Variants in RHBDD1 observed in about 807,000 individuals in gnomAD.
RHBDD1 encodes the protein rhomboid-related protein 4.
In RHBDD1, 38 loss-of-function variants were observed where a neutral mutation model predicts 36.3. The ratio of observed to expected loss-of-function variants is 1.05; its 90% CI spans 0.81 to 1.37. RHBDD1 has a LOEUF of 1.37. Ranked by LOEUF, RHBDD1 falls within the 40% of genes most tolerant of loss-of-function variation. RHBDD1 has a pLI of 0.00. For missense variants in RHBDD1, 393 were observed against 377.6 expected, an observed-to-expected ratio of 1.04 and a Z score of -0.34; for synonymous variants, 151 against 136.5, an observed-to-expected ratio of 1.11 and a Z score of -0.74.
the RHBDD1 span, among the ~76,000 whole-genome samples, chr2:226,807,812 A>G: frequency 6.6e-6 from 1 of 151,954 alleles, no homozygotes. Flanking sequence ...TTTTAAAGAC[A>G]CTCTGGGCTG....
At chr2:226,812,673 CT>C in the RHBDD1 span, among the ~76,000 whole-genome samples, 22 of 150,388 alleles carry the variant, frequency 1.5e-4, no homozygotes, top group African/African-American at 4.9e-4. Flanking sequence ...CACATGTATG[CT>C]TTTATATACA....
intron 5 of RHBDD1, among the ~76,000 whole-genome samples, chr2:226,906,019 T>C (rs144723975): frequency 6.6e-6 from 1 of 152,188 alleles, no homozygotes; most frequent in African/African-American, 2.4e-5. Context: ...TCGCCAGTAA[T>C]TTCTTAAACT....
intron 8 of RHBDD1, among the ~76,000 whole-genome samples, chr2:226,969,691 C>T (rs1382139581): frequency 6.6e-6 from 1 of 152,136 alleles, no homozygotes; most frequent in Admixed American, 6.5e-5. Flanking sequence ...AAGCCATATG[C>T]ATTTTGAAGG....
the RHBDD1 span, among the ~76,000 whole-genome samples, chr2:226,820,307 A>G: frequency 6.6e-6 from 1 of 152,198 alleles, no homozygotes; most frequent in African/African-American, 2.4e-5. Flanking sequence ...AGTGCTTTAA[A>G]AAGGAAGTCA....
chr2:226,980,355 C>G (rs540035159), intron 8 of RHBDD1, among the ~76,000 whole-genome samples: 5 of 152,262 alleles, frequency 3.3e-5, no homozygotes, highest in African/African-American at 1.2e-4. Flanking sequence ...TTGTAAGACA[C>G]CGGTATCCAC....
chr2:226,824,307 T>C, the RHBDD1 span, among the ~76,000 whole-genome samples: 1 of 152,118 alleles, frequency 6.6e-6, no homozygotes, highest in Non-Finnish European at 1.5e-5. Context: ...GAAGAAACAA[T>C]TGGCAGCATT....
At chr2:226,946,063 G>T (rs1034372136) in intron 8 of RHBDD1, among the ~76,000 whole-genome samples, 6 of 152,016 alleles carry the variant, frequency 3.9e-5, no homozygotes, top group Admixed American at 2.6e-4. Flanking sequence ...TTGTCAGATG[G>T]ATAGATTGCA....
intron 8 of RHBDD1, among the ~76,000 whole-genome samples, chr2:226,985,378 C>G (rs1038566050): frequency 2.0e-5 from 3 of 152,206 alleles, no homozygotes; most frequent in Admixed American, 1.3e-4. Flanking sequence ...ATAAACAACT[C>G]CATAATATTC....
At chr2:226,985,226 A>G (rs2149485673) in intron 8 of RHBDD1, among the ~76,000 whole-genome samples, 1 of 152,318 alleles carries the variant, frequency 6.6e-6, no homozygotes, top group East Asian at 1.9e-4. Context: ...GAACTGGTTA[A>G]ACTATCTACA....
At chr2:226,947,423 C>T (rs1425186102) in intron 8 of RHBDD1, among the ~76,000 whole-genome samples, 26 of 151,920 alleles carry the variant, frequency 1.7e-4, no homozygotes, top group African/African-American at 5.5e-4. Context: ...AGATATGCGG[C>T]GTTATTTCTG....
chr2:226,814,130 A>G, the RHBDD1 span, among the ~76,000 whole-genome samples: 2 of 152,182 alleles, frequency 1.3e-5, no homozygotes, highest in African/African-American at 4.8e-5. Flanking sequence ...TGAACAATGG[A>G]GAAAAGTCAT....
chr2:226,914,609 C>A, intron 8 of RHBDD1: 1 of 217,258 alleles, frequency 4.6e-6, no homozygotes, highest in Non-Finnish European at 9.0e-6. Flanking sequence ...GATGCTTTGG[C>A]ATTAAAGTCA....
chr2:226,900,233 G>A (rs76052077), intron 5 of RHBDD1, among the ~76,000 whole-genome samples: 1 of 152,174 alleles, frequency 6.6e-6, no homozygotes, highest in Non-Finnish European at 1.5e-5. Flanking sequence ...TTAAGTTATT[G>A]TTCCTTATTA....
chr2:226,833,058 C>T (rs1940781367), upstream of RHBDD1, among the ~76,000 whole-genome samples: 1 of 152,136 alleles, frequency 6.6e-6, no homozygotes, highest in South Asian at 2.1e-4. Flanking sequence ...CTACAAATCT[C>T]TTATGGTTAG....
intron 8 of RHBDD1, among the ~76,000 whole-genome samples, chr2:226,959,267 T>C (rs1176599983): frequency 6.6e-6 from 1 of 152,248 alleles, no homozygotes; most frequent in Non-Finnish European, 1.5e-5. Flanking sequence ...AGTTATTAAT[T>C]TGGATATGAA....
chr2:226,881,801 T>C (rs1392202489), intron 5 of RHBDD1, among the ~76,000 whole-genome samples: 2 of 152,228 alleles, frequency 1.3e-5, no homozygotes, highest in Non-Finnish European at 1.5e-5. Flanking sequence ...ATTCCACTGC[T>C]GTTGCTTACC....
intron 5 of RHBDD1, among the ~76,000 whole-genome samples, chr2:226,882,478 AATG>A (rs1945845503): frequency 6.6e-6 from 1 of 151,214 alleles, no homozygotes; most frequent in Non-Finnish European, 1.5e-5. Flanking sequence ...AAGAAAAAGA[AATG>A]ATAAGATGGG....
intron 5 of RHBDD1, among the ~76,000 whole-genome samples, chr2:226,885,456 A>G (rs1283428651): frequency 6.6e-6 from 1 of 152,192 alleles, no homozygotes; most frequent in African/African-American, 2.4e-5. Context: ...CATGTTGTAC[A>G]TCATGATAGA....
chr2:226,867,463 A>C, intron 5 of RHBDD1, 145 bp downstream of exon 5: 1 of 1,213,092 alleles, frequency 8.2e-7, no homozygotes, highest in Admixed American at 2.7e-5. Context: ...TAATAGTTTT[A>C]ATGTCAGATA....
Sources: gnomAD v4.1 joint callset for allele counts (sites outside exome capture counted in the v4.1 genomes callset) on GRCh38, gnomAD v4.1.1 for gene constraint, MANE v1.5 for transcripts, NCBI Gene and HGNC (gene_info 2026-07-23, HGNC 2026-07-21) for gene names.